The following SNX29 variants were observed in gnomAD, a reference collection of about 807,000 sequenced individuals.
SNX29 encodes sorting nexin-29.
In SNX29, 78 loss-of-function variants were observed where a neutral mutation model predicts 102.1. The ratio of observed to expected loss-of-function variants is 0.76; its 90% CI spans 0.64 to 0.92. The LOEUF (loss-of-function observed/expected upper bound fraction) is 0.92. SNX29 is among the 40% of genes least tolerant of loss of function. The probability of loss-of-function intolerance (pLI) is 0.00; values close to 1 mark genes in which losing one functional copy is unlikely to be tolerated. For synonymous variants in SNX29, 580 were observed against 414.5 expected, an observed-to-expected ratio of 1.40 and a Z score of -4.85; for missense variants, 1,280 against 1,061.7, an observed-to-expected ratio of 1.21 and a Z score of -2.86.
intron 20 of SNX29, among the ~76,000 whole-genome samples, chr16:12,544,416 G>T (rs1379097703): frequency 6.6e-6 from 1 of 152,214 alleles, no homozygotes; most frequent in Non-Finnish European, 1.5e-5. Flanking sequence ...CATTATGTCA[G>T]CTGGTGGGAT....
intron 4 of SNX29, among the ~76,000 whole-genome samples, chr16:12,039,583 T>A (rs1475440052): frequency 3.3e-5 from 5 of 152,080 alleles, no homozygotes; most frequent in African/African-American, 1.2e-4. Context: ...ACTTGCCTCC[T>A]TCTGGAAGGC....
rs1000203852 is a variant in SNX29, at chr16:12,571,849, A to G, written c.*3220A>G. ...TCCCACTTAGCAGTATGCTCCAATCACGTTGCTGGCAAGGCATTTTAGAGT... is the reference window on the plus strand; with the variant it reads ...TCCCACTTAGCAGTATGCTCCAATCGCGTTGCTGGCAAGGCATTTTAGAGT... On this transcript the variant is annotated 3_prime_UTR_variant, in exon 21 of 21. Transcript: ENST00000566228. 1 of 1,057,122 alleles carries G rather than the reference A, an allele frequency of 9.5e-7. No individual in the cohort carries two copies. The highest frequency in any genetic ancestry group is 4.6e-5 in the South Asian group (1 of 21,878). The allele number at this position is 1,057,122 out of a possible 1,614,324, so 65.5% of individuals were successfully genotyped here.
chr16:12,365,838 C>T (rs1301079359), intron 16 of SNX29, among the ~76,000 whole-genome samples: 2 of 151,690 alleles, frequency 1.3e-5, no homozygotes, highest in Admixed American at 1.3e-4. Context: ...GTCAGGAGAT[C>T]GAGACCATCC....
In SNX29 at chr16:12,477,869, C is replaced by G. The variant is rs146076349; in HGVS notation, c.2178+10C>G. On this transcript the variant is annotated intron_variant, in intron 19 of 20. Transcript: ENST00000566228. ...GGCCATTGGAAACAAGGTACCATCC[C>G]GTGCTGGGAAGCCCACTTGTCACTG... is the stretch of plus-strand genomic sequence containing the variant. 5.1e-6 allele frequency: 8 copies of G among 1,574,940 alleles called. No homozygotes were observed. The African/African-American group carries it at 9.6e-5, about 19-fold the overall frequency.
intron 15 of SNX29, among the ~76,000 whole-genome samples, chr16:12,280,669 A>G (rs1440360879): frequency 2.0e-5 from 3 of 152,186 alleles, no homozygotes; most frequent in Admixed American, 2.0e-4. Context: ...TTGCAAAGAC[A>G]GGTTCTGCCG....
chr16:12,224,758 G>A (rs2077567324), intron 14 of SNX29, among the ~76,000 whole-genome samples: 1 of 152,170 alleles, frequency 6.6e-6, no homozygotes, highest in Non-Finnish European at 1.5e-5. Context: ...AAACCAGATA[G>A]TCCACCAAGA....
intron 1 of SNX29, among the ~76,000 whole-genome samples, chr16:11,990,784 A>G (rs2055818785): frequency 1.3e-5 from 2 of 152,162 alleles, no homozygotes; most frequent in South Asian, 4.1e-4. Flanking sequence ...GGCCTGGTCT[A>G]CAGCCTGCTG....
intron 14 of SNX29, among the ~76,000 whole-genome samples, chr16:12,222,993 G>A (rs1379397008): frequency 1.3e-5 from 2 of 152,218 alleles, no homozygotes; most frequent in Non-Finnish European, 2.9e-5. Context: ...GGCAAGTGGC[G>A]GAGTGGGCAA....
intron 13 of SNX29, among the ~76,000 whole-genome samples, chr16:12,165,158 G>A (rs572692488): frequency 2.0e-5 from 3 of 152,304 alleles, no homozygotes; most frequent in South Asian, 4.1e-4. Context: ...GGAAATACAT[G>A]GTTTCACATG....
intron 18 of SNX29, among the ~76,000 whole-genome samples, chr16:12,442,428 T>C (rs1053009650): frequency 2.6e-5 from 4 of 152,184 alleles, no homozygotes; most frequent in Non-Finnish European, 5.9e-5. Context: ...GTGCAATCTT[T>C]AGGGCAAGAG....
chr16:12,230,840 G>GTATATATGTATA (rs71408252), intron 14 of SNX29, among the ~76,000 whole-genome samples: 90 of 150,266 alleles, frequency 6.0e-4, no homozygotes, highest in African/African-American at 2.2e-3. Context: ...ATGTATGTAT[G>GTATATATGTATA]TATGTATATA....
intron 20 of SNX29, among the ~76,000 whole-genome samples, chr16:12,550,817 A>T (rs967772242): frequency 6.6e-6 from 1 of 152,162 alleles, no homozygotes; most frequent in Non-Finnish European, 1.5e-5. Flanking sequence ...AATATGTGTT[A>T]ATTTACCTTT....
intron 18 of SNX29, among the ~76,000 whole-genome samples, chr16:12,423,038 C>T (rs980135232): frequency 2.0e-5 from 3 of 152,092 alleles, no homozygotes; most frequent in Non-Finnish European, 4.4e-5. Context: ...AAGAAACAAA[C>T]ACACACACAA....
intron 1 of SNX29, 68 bp downstream of exon 1, chr16:11,976,881 T>C: frequency 7.7e-7 from 1 of 1,293,514 alleles, no homozygotes; most frequent in South Asian, 2.2e-5. Context: ...AGCTGCACAC[T>C]CCGGCCCCTG....
At chr16:12,384,144 C>G (rs550880033) in intron 16 of SNX29, among the ~76,000 whole-genome samples, 153 of 152,294 alleles carry the variant, frequency 1.0e-3, no homozygotes, top group Middle Eastern at 6.8e-3. Context: ...AGGTTGCTTC[C>G]AAATCTTGGT....
intron 18 of SNX29, among the ~76,000 whole-genome samples, chr16:12,412,671 A>G (rs946445820): frequency 2.6e-5 from 4 of 152,194 alleles, no homozygotes; most frequent in African/African-American, 9.7e-5. Context: ...ATACGTGTGC[A>G]TGTGTTTTTG....
intron 20 of SNX29, chr16:12,545,550 A>G (rs532586209): frequency 6.6e-6 from 1 of 152,322 alleles, no homozygotes; most frequent in South Asian, 2.1e-4. Context: ...CAGACGACTT[A>G]TGGAGAAACG....
intron 11 of SNX29, among the ~76,000 whole-genome samples, chr16:12,106,436 G>A (rs1430638792): frequency 3.3e-5 from 5 of 152,016 alleles, no homozygotes; most frequent in Non-Finnish European, 5.9e-5. Flanking sequence ...CTGCCAGAGC[G>A]GAGATAAGGC....
intron 14 of SNX29, among the ~76,000 whole-genome samples, chr16:12,243,407 T>C (rs2142314991): frequency 6.6e-6 from 1 of 152,322 alleles, no homozygotes; most frequent in South Asian, 2.1e-4. Context: ...TCTCCTGCAG[T>C]TGGTAAGTAT....
Sources: allele counts gnomAD v4.1 joint callset (sites outside exome capture counted in the v4.1 genomes callset), GRCh38; gene constraint gnomAD v4.1.1; transcripts MANE v1.5; gene names NCBI Gene and HGNC (gene_info 2026-07-23, HGNC 2026-07-21).